Variants in SCML2 observed in about 807,000 individuals in gnomAD.
SCML2 encodes the protein sex comb on midleg-like protein 2.
A neutral mutation model predicts 48.4 loss-of-function variants in SCML2; 6 were observed. The observed-to-expected ratio is 0.12, with a 90% confidence interval of 0.07 to 0.24. The LOEUF (loss-of-function observed/expected upper bound fraction) is 0.24, where lower values mean the gene tolerates loss of function less well. SCML2 is among the 10% of genes least tolerant of loss of function. SCML2 has a pLI of 1.00. For missense variants in SCML2, 377 were observed against 528.2 expected, an observed-to-expected ratio of 0.71 and a Z score of 2.81; for synonymous variants, 181 against 189.5, an observed-to-expected ratio of 0.95 and a Z score of 0.37.
intron 11 of SCML2, among the ~76,000 whole-genome samples, chrX:18,250,934 G>A (rs1926633311): frequency 9.1e-6 from 1 of 110,138 alleles, no homozygotes; most frequent in Non-Finnish European, 1.9e-5. Context: ...ATGGCAGCAG[G>A]CGGAAGTGCA....
At chrX:18,245,001 G>C (rs191975331) in intron 13 of SCML2, among the ~76,000 whole-genome samples, 12 of 111,852 alleles carry the variant, frequency 1.1e-4, no homozygotes, top group Non-Finnish European at 2.1e-4. Context: ...CCTGGAGTCA[G>C]AGTGTTTGAG....
At chrX:18,260,150 A>AT in intron 9 of SCML2, 21 bp downstream of exon 9, 1 of 1,102,389 alleles carries the variant, frequency 9.1e-7, no homozygotes, top group Non-Finnish European at 1.2e-6. Flanking sequence ...ATTCTATACT[A>AT]TTTTTAAAAT....
Position 18,242,460 on chromosome X carries a change from G to C in SCML2, c.1953C>G (p.Leu651=). The C allele has an allele frequency of 8.3e-7, 1 of 1,199,686 alleles. No homozygotes were observed. Among genetic ancestry groups the C allele is most frequent in the Non-Finnish European group, 1.1e-6 (1 of 892,309 alleles). ...TTACATGTTGCCTGAAGAGGTCGGCGAGGGGGCCTGATATCTGAGGATCTG... is the reference window on the plus strand; with the variant it reads ...TTACATGTTGCCTGAAGAGGTCGGCCAGGGGGCCTGATATCTGAGGATCTG... ...KHTDPQISGP[L]ADLFRQHEID... Residue 651 remains leucine (L), a synonymous_variant, in exon 14 of 15, where the codon CTC becomes CTG. Coordinates refer to ENST00000251900, the MANE Select transcript of SCML2 (RefSeq NM_006089.3).
At chrX:18,245,892 A>G (rs772928833) in intron 13 of SCML2, among the ~76,000 whole-genome samples, 1 of 111,678 alleles carries the variant, frequency 9.0e-6, no homozygotes, top group East Asian at 2.8e-4. Context: ...GGCATGCATC[A>G]CCATGCTCAG....
intron 3 of SCML2, among the ~76,000 whole-genome samples, chrX:18,327,668 A>G (rs1929526891): frequency 8.9e-6 from 1 of 112,035 alleles, no homozygotes; most frequent in South Asian, 3.7e-4. Flanking sequence ...TCTACAATAT[A>G]ATTTTCTATC....
intron 1 of SCML2, among the ~76,000 whole-genome samples, chrX:18,343,793 A>G (rs1930103034): frequency 9.6e-6 from 1 of 103,648 alleles, no homozygotes; most frequent in African/African-American, 3.5e-5. Context: ...AAAGAAAAGG[A>G]AAAAAAAACC....
intron 11 of SCML2, among the ~76,000 whole-genome samples, chrX:18,249,566 T>G (rs975310327): frequency 9.0e-6 from 1 of 111,497 alleles, no homozygotes; most frequent in Non-Finnish European, 1.9e-5. Flanking sequence ...ACTGTTTAAC[T>G]TTGCAGCTGC....
At chrX:18,328,955 T>C (rs905361831) in intron 3 of SCML2, among the ~76,000 whole-genome samples, 1 of 111,296 alleles carries the variant, frequency 9.0e-6, no homozygotes, top group Non-Finnish European at 1.9e-5. Context: ...GGAAAATCTA[T>C]AGAGGCAGAA....
chrX:18,337,320 A>C (rs1411696493), intron 1 of SCML2, among the ~76,000 whole-genome samples: 1 of 103,247 alleles, frequency 9.7e-6, no homozygotes, highest in African/African-American at 3.5e-5. Context: ...AAAAAAAAAA[A>C]AAAAAAAAAA....
intron 5 of SCML2, among the ~76,000 whole-genome samples, chrX:18,320,936 T>C (rs1276466771): frequency 1.8e-5 from 2 of 111,675 alleles, no homozygotes; most frequent in Admixed American, 9.6e-5. Flanking sequence ...GTTAATGATA[T>C]ATATGCTAAA....
rs757559022 is a variant in SCML2 at position 18,327,358 on chromosome X, G to A, written c.92-2381C>T. 1.0e-3 allele frequency among the ~76,000 whole-genome samples: 112 copies of A among 111,503 alleles called. 1 individual carries two copies. Among genetic ancestry groups the A allele is most frequent in the Non-Finnish European group, 1.8e-3 (95 of 53,128 alleles). On this transcript the variant is annotated intron_variant, in intron 3 of 14. Transcript: ENST00000251900. ...GCACTCCAGCCTGGGCAACCAGGGGGAGACTCCGTCTCAACAACAACAACA... is the reference window on the plus strand; with the variant it reads ...GCACTCCAGCCTGGGCAACCAGGGGAAGACTCCGTCTCAACAACAACAACA...
intron 7 of SCML2, among the ~76,000 whole-genome samples, chrX:18,280,910 G>C (rs1307216716): frequency 1.1e-5 from 1 of 89,025 alleles, no homozygotes; most frequent in East Asian, 3.2e-4. Flanking sequence ...AATACTGAGA[G>C]ACTTCAACAC....
chrX:18,308,282 A>G lies in SCML2; in HGVS notation c.487-3067T>C, dbSNP rs1170585619. 3.3e-5 allele frequency among the ~76,000 whole-genome samples: 3 copies of G among 91,817 alleles called. No homozygotes were observed. The East Asian group carries it at 1.1e-3, about 35-fold the overall frequency. The allele number at this position is 91,817 out of a possible 115,157, so 79.7% of individuals were successfully genotyped here. A position where few individuals can be genotyped will look rare whatever the true frequency, so the allele number is the denominator to read the frequency against. On this transcript the variant is annotated intron_variant, in intron 6 of 14. Coordinates refer to ENST00000251900, the MANE Select transcript of SCML2 (RefSeq NM_006089.3). ...CTCAAAAAAAAAAAAACAAAAAAAA[A>G]CAGGAAGGAAGGAAGGGAGGAAGGG...
At chrX:18,331,720 A>G in intron 2 of SCML2, among the ~76,000 whole-genome samples, 1 of 111,606 alleles carries the variant, frequency 9.0e-6, no homozygotes, top group Admixed American at 9.6e-5. Context: ...TGTCTCTTAC[A>G]TCTCTTTTGA....
At chrX:18,257,225 T>G (rs1455065610) in intron 10 of SCML2, among the ~76,000 whole-genome samples, 195 bp from the exon 11 acceptor site, 1 of 112,003 alleles carries the variant, frequency 8.9e-6, no homozygotes, top group Non-Finnish European at 1.9e-5. Flanking sequence ...ACATCCTCAT[T>G]TGAAAATACT....
At chrX:18,254,970 G>A (rs183087627) in intron 11 of SCML2, among the ~76,000 whole-genome samples, 2 of 110,753 alleles carry the variant, frequency 1.8e-5, no homozygotes, top group South Asian at 4.0e-4. Context: ...TCTCCAACTC[G>A]TATTTTTCCC....
chrX:18,311,398 CAG>C (rs111864391), intron 6 of SCML2, among the ~76,000 whole-genome samples: 51 of 107,734 alleles, frequency 4.7e-4, no homozygotes, highest in Non-Finnish European at 4.8e-4. Flanking sequence ...AAATGCTATG[CAG>C]AGAGAGAGAG....
intron 7 of SCML2, among the ~76,000 whole-genome samples, chrX:18,300,227 C>T (rs868507644): frequency 4.6e-5 from 5 of 108,604 alleles, no homozygotes; most frequent in Non-Finnish European, 9.5e-5. Flanking sequence ...TGGTGAAACC[C>T]GGTCTCTACT....
intron 7 of SCML2, among the ~76,000 whole-genome samples, chrX:18,273,352 A>G (rs1038988274): frequency 1.8e-5 from 2 of 111,645 alleles, no homozygotes; most frequent in Non-Finnish European, 3.8e-5. Flanking sequence ...TCTCTCTAGC[A>G]TAGGCCTCTT....
Sources: allele counts gnomAD v4.1 joint callset (sites outside exome capture counted in the v4.1 genomes callset), GRCh38; gene constraint gnomAD v4.1.1; transcripts MANE v1.5; gene names NCBI Gene and HGNC (gene_info 2026-07-23, HGNC 2026-07-21).